The following ACOXL variants were observed in gnomAD, a reference collection of about 807,000 sequenced individuals.
The protein encoded by ACOXL is acyl-coenzyme A oxidase-like protein.
A neutral mutation model predicts 71.9 loss-of-function variants in ACOXL; 70 were observed. The observed-to-expected ratio is 0.97, with a 90% confidence interval of 0.80 to 1.19. The LOEUF (loss-of-function observed/expected upper bound fraction) is 1.19, where lower values mean the gene tolerates loss of function less well. Among genes scored for constraint, ACOXL ranks in the 50% most tolerant of loss-of-function variants. The pLI, the probability that ACOXL is intolerant of heterozygous loss-of-function variation, is 0.00. For missense variants in ACOXL, 703 were observed against 736.3 expected (o/e 0.95, Z 0.52); for synonymous variants, 253 against 281.6 (o/e 0.90, Z 1.02).
chr2:110,799,080 T>C lies in ACOXL; in HGVS notation c.527T>C (p.Ile176Thr), dbSNP rs778519515. 1.9e-5 allele frequency: 30 copies of C among 1,613,762 alleles called. No homozygotes were observed. Among genetic ancestry groups the C allele is most frequent in the Admixed American group, 1.5e-4 (9 of 59,986 alleles). The change falls in exon 7 of 18, where the codon ATT becomes ACT. Residue 176 changes from isoleucine (I) to threonine (T), a missense_variant. Transcript: ENST00000439055. ...AGCTTGTACCCAGGAGTCACAGCTA[T>C]TGATATGATGTACAAGGAGGGTGAG... ...NGSLYPGVTA[I>T]DMMYKEGLHG...
At chr2:111,049,376 A>G in intron 16 of ACOXL, 88 bp downstream of exon 16, 1 of 1,032,612 alleles carries the variant, frequency 9.7e-7, no homozygotes, top group Non-Finnish European at 1.5e-6. Flanking sequence ...AAGCGGGAGT[A>G]AATTTATCAT....
chr2:111,099,605 C>T (rs2150043934), intron 17 of ACOXL: 1 of 152,332 alleles, frequency 6.6e-6, no homozygotes, highest in East Asian at 1.9e-4. Flanking sequence ...GGGGCTCCAT[C>T]CTAACAAGGT....
intron 9 of ACOXL, among the ~76,000 whole-genome samples, chr2:110,837,150 G>C (rs1290731685): frequency 6.6e-6 from 1 of 152,178 alleles, no homozygotes; most frequent in African/African-American, 2.4e-5. Context: ...GTGTGCCACT[G>C]TCCCAGGCCT....
chr2:111,053,895 G>A (rs541997784), intron 16 of ACOXL, among the ~76,000 whole-genome samples: 26 of 152,318 alleles, frequency 1.7e-4, no homozygotes, highest in Admixed American at 5.9e-4. Context: ...AGAGGAAAGT[G>A]GCCCTTGCTG....
At chr2:110,797,720 G>C (rs1241949580) in intron 5 of ACOXL, among the ~76,000 whole-genome samples, 1 of 152,204 alleles carries the variant, frequency 6.6e-6, no homozygotes, top group Non-Finnish European at 1.5e-5. Context: ...CACAGATGCG[G>C]ACCCTGGGAC....
intron 16 of ACOXL, among the ~76,000 whole-genome samples, chr2:111,088,163 G>T (rs573251162): frequency 5.4e-4 from 82 of 152,348 alleles, no homozygotes; most frequent in Non-Finnish European, 1.1e-3. Flanking sequence ...CAAGGTTGCA[G>T]AGAAAAAGGG....
intron 12 of ACOXL, chr2:110,963,601 G>T (rs750943070): frequency 1.6e-6 from 2 of 1,261,866 alleles, no homozygotes; most frequent in African/African-American, 3.2e-5. Flanking sequence ...GTGTGTGTGT[G>T]TGTTTTTCTC....
intron 11 of ACOXL, among the ~76,000 whole-genome samples, chr2:110,916,888 A>G (rs970627168): frequency 1.3e-5 from 2 of 152,190 alleles, no homozygotes; most frequent in South Asian, 2.1e-4. Context: ...TAGACCAATA[A>G]CAAGTTCTGA....
intron 11 of ACOXL, among the ~76,000 whole-genome samples, chr2:110,921,964 A>G (rs971764843): frequency 1.1e-4 from 17 of 152,332 alleles, no homozygotes; most frequent in African/African-American, 3.6e-4. Flanking sequence ...GGCTCAGTAA[A>G]AATAGTGTTC....
chr2:110,886,943 C>A lies in ACOXL; in HGVS notation c.789-21846C>A, dbSNP rs142257328. 17 of 1,439,762 alleles carry A rather than the reference C, an allele frequency of 1.2e-5. No homozygotes were observed. The African/African-American group carries it at 2.1e-4, about 18-fold the overall frequency. The allele number at this position is 1,439,762 out of a possible 1,614,324, so 89.2% of individuals were successfully genotyped here. A position where few individuals can be genotyped will look rare whatever the true frequency, so the allele number is the denominator to read the frequency against. On this transcript the variant is annotated intron_variant, in intron 10 of 17. Coordinates refer to ENST00000439055, the MANE Select transcript of ACOXL (RefSeq NM_001142807.4). ...TGTTCTGGGTTTTCCCGTGGCAGAT[C>A]CCTATAGGCTTCTCACTGCACTATC...
intron 12 of ACOXL, among the ~76,000 whole-genome samples, chr2:110,934,416 T>A (rs1427316016): frequency 6.6e-6 from 1 of 152,118 alleles, no homozygotes; most frequent in Non-Finnish European, 1.5e-5. Flanking sequence ...CAGAGGAGAA[T>A]GGAAGGAGGG....
chr2:110,751,522 A>T (rs1678964426), intron 1 of ACOXL, among the ~76,000 whole-genome samples: 2 of 152,124 alleles, frequency 1.3e-5, no homozygotes, highest in South Asian at 4.1e-4. Context: ...CCCCCTAAAT[A>T]ACTCAGTGTG....
chr2:110,921,768 CA>C (rs1427029896), intron 11 of ACOXL, among the ~76,000 whole-genome samples: 1 of 152,158 alleles, frequency 6.6e-6, no homozygotes, highest in Non-Finnish European at 1.5e-5. Context: ...ATAATCAATT[CA>C]CACTAAAATT....
chr2:110,787,036 C>A, intron 3 of ACOXL, among the ~76,000 whole-genome samples: 1 of 148,976 alleles, frequency 6.7e-6, no homozygotes, highest in South Asian at 2.1e-4. Context: ...GGATAAACAT[C>A]AAGATAACCT....
chr2:110,754,112 ACC>A (rs1398594792), intron 1 of ACOXL, among the ~76,000 whole-genome samples: 1 of 138,952 alleles, frequency 7.2e-6, no homozygotes, highest in Non-Finnish European at 1.5e-5. Context: ...TCACTCTGTC[ACC>A]CAGGCTGGAG....
In ACOXL at chr2:111,037,849, A is replaced by G. The variant is rs551765659; in HGVS notation, c.1369+6135A>G. Among the ~76,000 whole-genome samples the G allele has an allele frequency of 3.9e-5, 6 of 152,326 alleles. No individual in the cohort carries two copies. In the South Asian group the frequency reaches 1.2e-3, roughly 32 times the overall value. ...TCTTTAAGAGGTTTCTTTCCCACAG[A>G]TGAATCCCAGAGAATGGGGGTTCTG... On this transcript the variant is annotated intron_variant, in intron 15 of 17. Transcript: ENST00000439055.
intron 14 of ACOXL, among the ~76,000 whole-genome samples, chr2:111,010,226 G>A (rs1012744840): frequency 3.9e-5 from 6 of 152,034 alleles, no homozygotes; most frequent in African/African-American, 1.4e-4. Flanking sequence ...TGAATAAAAG[G>A]GATGAAGAGA....
intron 11 of ACOXL, among the ~76,000 whole-genome samples, chr2:110,913,133 A>T (rs1170686806): frequency 6.6e-6 from 1 of 152,254 alleles, no homozygotes; most frequent in Non-Finnish European, 1.5e-5. Context: ...GGTGAAATAG[A>T]AACCTCATAC....
chr2:110,937,448 A>C (rs2060707306), intron 12 of ACOXL, among the ~76,000 whole-genome samples: 1 of 152,190 alleles, frequency 6.6e-6, no homozygotes. Context: ...AACACGATGT[A>C]CATTTCTTAT....
Sources: gnomAD v4.1 joint callset for allele counts (sites outside exome capture counted in the v4.1 genomes callset) on GRCh38, gnomAD v4.1.1 for gene constraint, MANE v1.5 for transcripts, NCBI Gene and HGNC (gene_info 2026-07-23, HGNC 2026-07-21) for gene names.